The following ANO10 variants were observed in gnomAD, a reference collection of about 807,000 sequenced individuals.
The protein encoded by ANO10 is anoctamin 10.
ANO10 carries 77 observed loss-of-function variants against 74.7 expected under a neutral mutation model. That is an observed-to-expected ratio of 1.03 (90% CI 0.86 to 1.25). ANO10 has a LOEUF of 1.25. ANO10 is among the 50% of genes most tolerant of loss of function. The probability of loss-of-function intolerance (pLI) is 0.00; values close to 1 mark genes in which losing one functional copy is unlikely to be tolerated. For synonymous variants in ANO10, 279 were observed against 284.9 expected, an observed-to-expected ratio of 0.98 and a Z score of 0.21; for missense variants, 721 against 778.1, an observed-to-expected ratio of 0.93 and a Z score of 0.87.
At chr3:43,687,389 G>A (rs2084289057) in intron 1 of ANO10, among the ~76,000 whole-genome samples, 1 of 152,198 alleles carries the variant, frequency 6.6e-6, no homozygotes, top group Non-Finnish European at 1.5e-5. Flanking sequence ...TAAAGGCCCA[G>A]GCCCCTGTGA....
intron 1 of ANO10, among the ~76,000 whole-genome samples, chr3:43,681,545 C>T (rs551344476): frequency 5.1e-4 from 78 of 152,214 alleles, no homozygotes; most frequent in African/African-American, 1.8e-3. Flanking sequence ...CAAGGATATC[C>T]AGGAATTGAA....
chr3:43,687,435 C>G (rs771260926), intron 1 of ANO10, among the ~76,000 whole-genome samples: 1 of 152,120 alleles, frequency 6.6e-6, no homozygotes, highest in Non-Finnish European at 1.5e-5. Context: ...GCCTGGGGAA[C>G]TACTATTGGA....
At chr3:43,393,863 C>T (rs1305904532) in intron 12 of ANO10, among the ~76,000 whole-genome samples, 1 of 152,020 alleles carries the variant, frequency 6.6e-6, no homozygotes, top group African/African-American at 2.4e-5. Flanking sequence ...TACCCCTAAC[C>T]CCTCCATTTC....
At chr3:43,648,335 A>G (rs1423321179) in intron 1 of ANO10, among the ~76,000 whole-genome samples, 1 of 152,160 alleles carries the variant, frequency 6.6e-6, no homozygotes, top group African/African-American at 2.4e-5. Context: ...CCAAACCCCA[A>G]GAGAGGGTTC....
chr3:43,466,369 CA>C (rs36126977), intron 11 of ANO10, among the ~76,000 whole-genome samples: 21 of 45,392 alleles, frequency 4.6e-4, no homozygotes, highest in African/African-American at 1.4e-3. Context: ...GACTCCATCT[CA>C]AAAAAAAAAA....
intron 1 of ANO10, among the ~76,000 whole-genome samples, chr3:43,657,771 G>A (rs2083874374): frequency 6.6e-6 from 1 of 152,062 alleles, no homozygotes; most frequent in African/African-American, 2.4e-5. Context: ...ATTTTTTCTT[G>A]TTTAAGATGG....
chr3:43,657,356 T>C (rs2083869553), intron 1 of ANO10, among the ~76,000 whole-genome samples: 1 of 152,232 alleles, frequency 6.6e-6, no homozygotes, highest in South Asian at 2.1e-4. Flanking sequence ...CATTGGCCCA[T>C]GTTGATCCCA....
intron 11 of ANO10, among the ~76,000 whole-genome samples, chr3:43,541,639 CAT>C (rs2078959587): frequency 6.6e-6 from 1 of 152,142 alleles, no homozygotes; most frequent in African/African-American, 2.4e-5. Context: ...ATATATGACT[CAT>C]TCATTAATTA....
At chr3:43,679,161 C>T (rs1368990058) in intron 1 of ANO10, among the ~76,000 whole-genome samples, 3 of 152,148 alleles carry the variant, frequency 2.0e-5, no homozygotes, top group East Asian at 3.9e-4. Context: ...ACCTGGGAAG[C>T]GCAAGGGGTC....
chr3:43,568,598 C>T, intron 7 of ANO10, among the ~76,000 whole-genome samples: 2 of 145,384 alleles, frequency 1.4e-5, no homozygotes, highest in South Asian at 2.3e-4. Flanking sequence ...GGGTACATAA[C>T]GAAATGAAGG....
chr3:43,576,578 T>C (rs2081003413), intron 6 of ANO10, 114 bp downstream of exon 6: 10 of 1,119,536 alleles, frequency 8.9e-6, no homozygotes, highest in Non-Finnish European at 1.3e-5. Context: ...GTCTCTATAA[T>C]GAGCCAAGAG....
chr3:43,539,772 T>C (rs2078874209), intron 11 of ANO10, among the ~76,000 whole-genome samples: 3 of 152,364 alleles, frequency 2.0e-5, no homozygotes, highest in Non-Finnish European at 1.5e-5. Flanking sequence ...AATTATGGCT[T>C]AAGAGTACAG....
upstream of ANO10, among the ~76,000 whole-genome samples, chr3:43,623,032 A>G (rs2083453498): frequency 1.3e-5 from 2 of 152,148 alleles, no homozygotes; most frequent in South Asian, 4.2e-4. Context: ...TGCCCAGCTA[A>G]TTTTTGTATT....
At chr3:43,606,675 C>A (rs1021049) in intron 1 of ANO10, among the ~76,000 whole-genome samples, 117,917 of 151,730 alleles carry the variant, frequency 0.78, 46,368 homozygotes, top group East Asian at 0.89. Flanking sequence ...AAAAAGAAAA[C>A]TGTTAGTGGG....
intron 1 of ANO10, among the ~76,000 whole-genome samples, chr3:43,683,720 A>G (rs1460204400): frequency 1.3e-5 from 2 of 152,220 alleles, no homozygotes; most frequent in Admixed American, 6.5e-5. Context: ...TGGTACTGGT[A>G]CCAAAACAGA....
At chr3:43,535,469 T>C (rs1226546791) in intron 11 of ANO10, among the ~76,000 whole-genome samples, 1 of 151,848 alleles carries the variant, frequency 6.6e-6, no homozygotes, top group Non-Finnish European at 1.5e-5. Context: ...AGAGACGGGA[T>C]TTCAACATGT....
At chr3:43,432,117 CTTT>C (rs796692983) in intron 12 of ANO10, among the ~76,000 whole-genome samples, 11 of 133,944 alleles carry the variant, frequency 8.2e-5, no homozygotes, top group East Asian at 2.1e-4. Context: ...TCCAGCATGG[CTTT>C]TTTTTTTTTT....
In ANO10 at chr3:43,451,161, T is replaced by TA. The variant is rs929742686; in HGVS notation, c.1798-18435dup. On this transcript the variant is annotated intron_variant, in intron 11 of 12. Transcript: ENST00000292246. Reference sequence around the variant, plus strand: ...CTTGAGAGAGGCAACACTCAGAGTATAAGGGAACTTCAGAGAATGCTGGGA... The same window carrying TA: ...CTTGAGAGAGGCAACACTCAGAGTATAAAGGGAACTTCAGAGAATGCTGGGA... 1.4e-4 allele frequency among the ~76,000 whole-genome samples: 21 copies of TA among 152,284 alleles called. 1 individual carries two copies. The highest frequency in any genetic ancestry group is 6.8e-3 in the Middle Eastern group (2 of 294).
chr3:43,684,192 G>A (rs2084242418), intron 1 of ANO10, among the ~76,000 whole-genome samples: 2 of 152,028 alleles, frequency 1.3e-5, no homozygotes, highest in African/African-American at 2.4e-5. Flanking sequence ...CTGACAAAGG[G>A]CTAATATCCA....
Sources: allele counts gnomAD v4.1 joint callset (sites outside exome capture counted in the v4.1 genomes callset), GRCh38; gene constraint gnomAD v4.1.1; transcripts MANE v1.5; gene names NCBI Gene and HGNC (gene_info 2026-07-23, HGNC 2026-07-21).